Variants in KLHL26 observed in about 807,000 individuals in gnomAD.
KLHL26 encodes kelch-like protein 26.
In KLHL26, 4 loss-of-function variants were observed where a neutral mutation model predicts 7.1. The ratio of observed to expected loss-of-function variants is 0.56; its 90% CI spans 0.28 to 1.28. The LOEUF is 1.28. KLHL26 is among the 50% of genes most tolerant of loss of function. The pLI, the probability that KLHL26 is intolerant of heterozygous loss-of-function variation, is 0.11. For missense variants in KLHL26, 896 were observed against 924.6 expected (o/e 0.97, Z 0.40); for synonymous variants, 465 against 414.1 (o/e 1.12, Z -1.49).
Position 18,668,745 on chromosome 19 carries a change from A to G in KLHL26, c.1348A>G (p.Thr450Ala). 1 of 1,587,568 alleles carries G rather than the reference A, an allele frequency of 6.3e-7. No individual in the cohort carries two copies. Among genetic ancestry groups the G allele is most frequent in the Non-Finnish European group, 8.5e-7 (1 of 1,173,868 alleles). Residue 450 changes from threonine to alanine, a missense_variant, in exon 3 of 3, where the codon ACC becomes GCC. Transcript: ENST00000300976. ...CTACGCCTGCTCGCTGAAGCGCCGTACCTGGGGCCATGCTGGGGCCGCCTC... is the reference window on the plus strand; with the variant it reads ...CTACGCCTGCTCGCTGAAGCGCCGTGCCTGGGGCCATGCTGGGGCCGCCTC... ...WGYACSLKRRTWGHAGAASGG... is the reference protein window; with the variant it reads ...WGYACSLKRRAWGHAGAASGG...
chr19:18,668,192 G>T lies in KLHL26; in HGVS notation c.795G>T (p.Val265=). Residue 265 remains valine (V), a synonymous_variant, in exon 3 of 3, where the codon GTG becomes GTT. Coordinates refer to ENST00000300976, the MANE Select transcript of KLHL26 (RefSeq NM_018316.3). ...LMQSSELVDS[V]QTLDIMVEDV... ...AGTCGTCCGAGCTGGTGGACAGCGTGCAGACGCTGGACATCATGGTGGAGG... is the reference window on the plus strand; with the variant it reads ...AGTCGTCCGAGCTGGTGGACAGCGTTCAGACGCTGGACATCATGGTGGAGG... 1 of 1,611,302 alleles carries T rather than the reference G, an allele frequency of 6.2e-7. No individual in the cohort carries two copies.
intron 1 of KLHL26, among the ~76,000 whole-genome samples, chr19:18,643,801 C>T (rs1976756709): frequency 6.6e-6 from 1 of 151,970 alleles, no homozygotes; most frequent in Non-Finnish European, 1.5e-5. Context: ...ATTATGTTGC[C>T]CAGGCTGGTC....
At chr19:18,654,105 A>C (rs1229979336) in intron 1 of KLHL26, among the ~76,000 whole-genome samples, 3 of 119,978 alleles carry the variant, frequency 2.5e-5, no homozygotes, top group Admixed American at 8.5e-5. Context: ...CCACCCTTCC[A>C]TCCACCCACC....
In KLHL26 at chr19:18,667,458, C is replaced by T. The variant is rs571703240; in HGVS notation, c.267-206C>T. The T allele has an allele frequency of 1.5e-4, 120 of 788,186 alleles. No individual in the cohort carries two copies. The African/African-American group carries it at 2.0e-3, about 13-fold the overall frequency. The allele number at this position is 788,186 out of a possible 1,614,324, so 48.8% of individuals were successfully genotyped here. ...TGATCTCATGATCCACCCGCCTGGG[C>T]TTCCCAAAGTGCTGGGATTACAGGC... On this transcript the variant is annotated intron_variant, in intron 2 of 2. Transcript: ENST00000300976.
In KLHL26 at chr19:18,649,989, C is replaced by G. The variant is rs1402744423; in HGVS notation, c.83+12852C>G. Among the ~76,000 whole-genome samples the G allele has an allele frequency of 6.6e-6, 1 of 152,346 alleles. No individual in the cohort carries two copies. Among genetic ancestry groups the G allele is most frequent in the East Asian group, 1.9e-4 (1 of 5,180 alleles). The stretch of plus-strand genomic sequence containing the variant: ...ATATTGTGATCTGGGAGGAAGTAAC[C>G]AGCACCTTGGGGGAATCACAGACCT... On this transcript the variant is annotated intron_variant, in intron 1 of 2. Coordinates refer to ENST00000300976, the MANE Select transcript of KLHL26 (RefSeq NM_018316.3). The surrounding 1 kb of genome is among the most constrained non-coding windows in gnomAD (Gnocchi z 4.0).
Position 18,668,111 on chromosome 19 carries a change from G to C in KLHL26, c.714G>C (p.Pro238=). 1 of 1,601,552 alleles carries C rather than the reference G, an allele frequency of 6.2e-7. No homozygotes were observed. The highest frequency in any genetic ancestry group is 8.5e-7 in the Non-Finnish European group (1 of 1,178,512). ...RAAVRWLQHD[P]ARRPRASHVL... is the part of the protein sequence containing the mutation. ...CCGTCCGCTGGCTGCAGCATGACCC[G>C]GCCCGGCGGCCGCGCGCCAGCCACG... is the stretch of plus-strand genomic sequence containing the variant. Residue 238 remains proline (P), a synonymous_variant, in exon 3 of 3, where the codon CCG becomes CCC. Coordinates refer to ENST00000300976, the MANE Select transcript of KLHL26 (RefSeq NM_018316.3).
rs138062378 is a variant in KLHL26, at chr19:18,668,947, T to A, written c.1550T>A (p.Met517Lys). 60 of 1,610,578 alleles carry A rather than the reference T, an allele frequency of 3.7e-5. No individual in the cohort carries two copies. Among genetic ancestry groups the A allele is most frequent in the Non-Finnish European group, 5.0e-5 (59 of 1,179,908 alleles). The change falls in exon 3 of 3, where the codon ATG becomes AAG. Residue 517 changes from methionine (M) to lysine (K), a missense_variant. Coordinates refer to ENST00000300976, the MANE Select transcript of KLHL26 (RefSeq NM_018316.3). ...CGCATCTATGCCCTCGGGGGCCGCA[T>A]GGACCACGTGGACCGCTGCTTCGAC... ...GGRIYALGGRMDHVDRCFDVL... is the reference protein window; with the variant it reads ...GGRIYALGGRKDHVDRCFDVL...
In KLHL26 at chr19:18,671,579, T is replaced by A. The variant is rs2145418546; in HGVS notation, c.*2334T>A. Reference sequence around the variant, plus strand: ...TGTATCTAACCGGATCGATTGTGCATAACCGTCTAGGCCGGTTCGTGGAAT... The same window carrying A: ...TGTATCTAACCGGATCGATTGTGCAAAACCGTCTAGGCCGGTTCGTGGAAT... On this transcript the variant is annotated 3_prime_UTR_variant, in exon 3 of 3. Transcript: ENST00000300976. 1.3e-5 allele frequency: 2 copies of A among 152,402 alleles called. No homozygotes were observed. Among genetic ancestry groups the A allele is most frequent in the South Asian group, 2.1e-4 (1 of 4,834 alleles). The allele number at this position is 152,402 out of a possible 1,614,324, so 9.4% of individuals were successfully genotyped here.
chr19:18,639,994 T>G (rs544861384), intron 1 of KLHL26, among the ~76,000 whole-genome samples: 2 of 151,906 alleles, frequency 1.3e-5, no homozygotes, highest in South Asian at 4.2e-4. Context: ...TATCAGAAAT[T>G]TGTTCTTTTT....
At chr19:18,662,578 G>A (rs1434600041) in intron 1 of KLHL26, among the ~76,000 whole-genome samples, 1 of 152,244 alleles carries the variant, frequency 6.6e-6, no homozygotes, top group African/African-American at 2.4e-5. Context: ...GGCACATGCA[G>A]GATGCGGCTT....
chr19:18,645,826 A>AT (rs1480310814), intron 1 of KLHL26, among the ~76,000 whole-genome samples: 1 of 151,548 alleles, frequency 6.6e-6, no homozygotes, highest in African/African-American at 2.4e-5. Flanking sequence ...AAAAAAAAAA[A>AT]AGAAGTGATG....
chr19:18,654,759 G>A (rs968308512), intron 1 of KLHL26, among the ~76,000 whole-genome samples: 4 of 149,050 alleles, frequency 2.7e-5, no homozygotes, highest in Admixed American at 1.3e-4. Context: ...CCATTCACCC[G>A]CCCATTTACC....
rs1038016907 is a variant in KLHL26 at position 18,648,231 on chromosome 19, G to T, written c.83+11094G>T. Among the ~76,000 whole-genome samples, 1 of 152,210 alleles carries T rather than the reference G, an allele frequency of 6.6e-6. No homozygotes were observed. The highest frequency in any genetic ancestry group is 2.4e-5 in the African/African-American group (1 of 41,460). On this transcript the variant is annotated intron_variant, in intron 1 of 2. Coordinates refer to ENST00000300976, the MANE Select transcript of KLHL26 (RefSeq NM_018316.3). The surrounding 1 kb of genome is among the most constrained non-coding windows in gnomAD (Gnocchi z 4.9). ...TAAAAATACACAAAACTAGCTGGGC[G>T]CAGTGGCGGGTGCTTGTAGTCCCAG...
At chr19:18,658,585 G>C (rs559370159) in intron 1 of KLHL26, among the ~76,000 whole-genome samples, 1 of 123,244 alleles carries the variant, frequency 8.1e-6, no homozygotes, top group East Asian at 2.6e-4. Flanking sequence ...CTCCCTCTCC[G>C]TCTCTCTAGG....
At position 18,668,724 on chromosome 19, in the gene KLHL26, G is replaced by A. The variant is rs1316267723; in HGVS notation, c.1327G>A (p.Ala443Thr). ...YCPRRNEWGY[A>T]CSLKRRTWGH... Reference sequence around the variant, plus strand: ...CCCCCGGCGCAATGAGTGGGGCTACGCCTGCTCGCTGAAGCGCCGTACCTG... The same window carrying A: ...CCCCCGGCGCAATGAGTGGGGCTACACCTGCTCGCTGAAGCGCCGTACCTG... The change falls in exon 3 of 3, where the codon GCC becomes ACC. Residue 443 changes from alanine (A) to threonine (T), a missense_variant. Ala to Thr is a moderately conservative substitution (Grantham distance 58). Transcript: ENST00000300976. The A allele has an allele frequency of 2.5e-6, 4 of 1,579,214 alleles. No homozygotes were observed. The highest frequency in any genetic ancestry group is 1.8e-5 in the Admixed American group (1 of 56,808).
Position 18,668,887 on chromosome 19 carries a change from C to G in KLHL26, c.1490C>G (p.Pro497Arg). 1 of 1,598,800 alleles carries G rather than the reference C, an allele frequency of 6.3e-7. No individual in the cohort carries two copies. Among genetic ancestry groups the G allele is most frequent in the Non-Finnish European group, 8.5e-7 (1 of 1,177,680 alleles). The change falls in exon 3 of 3, where the codon CCC becomes CGC. Residue 497 changes from proline (P) to arginine (R), a missense_variant. Physicochemically the swap from Pro to Arg is moderately radical, Grantham distance 103 (BLOSUM62 -2). Transcript: ENST00000300976. ...GAGTTCAAGGCGCCCATGAGCGAACCCCGCGTGCTACACGCCATGGTGGGT... is the reference window on the plus strand; with the variant it reads ...GAGTTCAAGGCGCCCATGAGCGAACGCCGCGTGCTACACGCCATGGTGGGT... ...QWEFKAPMSE[P>R]RVLHAMVGAG... is the part of the protein sequence containing the mutation.
Position 18,668,246 on chromosome 19 carries a change from G to C in KLHL26, c.849G>C (p.Glu283Asp), listed in dbSNP as rs1393251942. ...EDVLCRQYLL[E>D]AFNYQVLPFR... ...TGCTGTGCCGCCAGTATCTGCTGGA[G>C]GCCTTCAACTACCAGGTGCTGCCCT... Residue 283 changes from glutamate (E) to aspartate (D), a missense_variant, in exon 3 of 3, where the codon GAG becomes GAC. Physicochemically the swap from Glu to Asp is conservative, Grantham distance 45. Coordinates refer to ENST00000300976, the MANE Select transcript of KLHL26 (RefSeq NM_018316.3). The C allele has an allele frequency of 6.2e-7, 1 of 1,612,226 alleles. No homozygotes were observed. The highest frequency in any genetic ancestry group is 8.5e-7 in the Non-Finnish European group (1 of 1,179,874).
chr19:18,660,699 C>T (rs1378863791), intron 1 of KLHL26, among the ~76,000 whole-genome samples: 1 of 152,184 alleles, frequency 6.6e-6, no homozygotes, highest in Non-Finnish European at 1.5e-5. Context: ...CCTGCCCCTC[C>T]TGGCCTCCTC....
intron 1 of KLHL26, among the ~76,000 whole-genome samples, chr19:18,661,505 C>T (rs565221469): frequency 2.4e-4 from 36 of 152,268 alleles, no homozygotes; most frequent in South Asian, 6.2e-4. Flanking sequence ...CCACTGTGTG[C>T]ACTCTGCCTC....
Sources: allele counts gnomAD v4.1 joint callset (sites outside exome capture counted in the v4.1 genomes callset), GRCh38; gene constraint gnomAD v4.1.1; non-coding constraint Gnocchi (gnomAD v3.1); transcripts MANE v1.5; gene names NCBI Gene and HGNC (gene_info 2026-07-23, HGNC 2026-07-21).